MARCHF1: variants seen among roughly 807,000 people sequenced by gnomAD.
MARCHF1 encodes E3 ubiquitin-protein ligase MARCHF1.
Under a neutral mutation model 54.2 loss-of-function variants are expected in MARCHF1, and 40 were observed. The observed-to-expected ratio is 0.74, with a 90% CI of 0.57 to 0.96. The LOEUF (loss-of-function observed/expected upper bound fraction) is 0.96, where lower values mean the gene tolerates loss of function less well. MARCHF1 is among the 40% of genes least tolerant of loss of function. The pLI, the probability that MARCHF1 is intolerant of heterozygous loss-of-function variation, is 0.00. For missense variants in MARCHF1, 586 were observed against 656.5 expected, an observed-to-expected ratio of 0.89 and a Z score of 1.17; for synonymous variants, 236 against 236.3, an observed-to-expected ratio of 1.00 and a Z score of 0.01.
chr4:164,176,966 C>CTA (rs1730689125), intron 1 of MARCHF1, among the ~76,000 whole-genome samples: 1 of 46,732 alleles, frequency 2.1e-5, no homozygotes, highest in East Asian at 5.2e-4. Context: ...CTCTCTCTCT[C>CTA]TCTCTCTCTC....
At position 164,114,029 on chromosome 4, in the gene MARCHF1, G is replaced by T. The variant is rs376755206; in HGVS notation, c.-322-2367C>A. On this transcript the variant is annotated intron_variant, in intron 1 of 9. Coordinates refer to ENST00000514618, the MANE Select transcript of MARCHF1 (RefSeq NM_001394959.1). ...AGGGTCAAAAAACATCATTCCACTG[G>T]GACTTATAAAGGAGGGACAAGTTGG... 2.6e-5 allele frequency among the ~76,000 whole-genome samples: 4 copies of T among 151,972 alleles called. No individual in the cohort carries two copies. The East Asian group carries it at 7.7e-4, about 29-fold the overall frequency.
intron 5 of MARCHF1, among the ~76,000 whole-genome samples, chr4:163,647,400 T>C (rs1358375747): frequency 3.3e-5 from 5 of 152,044 alleles, no homozygotes; most frequent in African/African-American, 4.8e-5. Context: ...AACTACACTT[T>C]AGGTGAAATG....
At chr4:163,711,202 C>T (rs1184126980) in intron 4 of MARCHF1, among the ~76,000 whole-genome samples, 2 of 152,106 alleles carry the variant, frequency 1.3e-5, no homozygotes, top group African/African-American at 2.4e-5. Flanking sequence ...TGGTTTCATT[C>T]TGTAAATTTA....
chr4:163,831,244 GC>G (rs1156255729), intron 4 of MARCHF1, among the ~76,000 whole-genome samples: 1 of 152,134 alleles, frequency 6.6e-6, no homozygotes, highest in Non-Finnish European at 1.5e-5. Context: ...CAAGGAAATT[GC>G]CCAGGTGGAA....
intron 1 of MARCHF1, among the ~76,000 whole-genome samples, chr4:164,113,925 T>C (rs1755887356): frequency 6.6e-6 from 1 of 151,922 alleles, no homozygotes; most frequent in Admixed American, 6.6e-5. Context: ...AAACGATAAC[T>C]GTTTAACCCC....
intron 2 of MARCHF1, among the ~76,000 whole-genome samples, chr4:164,025,852 T>C (rs1257115452): frequency 6.6e-6 from 1 of 151,580 alleles, no homozygotes; most frequent in Non-Finnish European, 1.5e-5. Context: ...AAGAAAAAAA[T>C]ATTTAAATAA....
chr4:163,832,160 C>T (rs185431713), intron 4 of MARCHF1, among the ~76,000 whole-genome samples: 1 of 152,246 alleles, frequency 6.6e-6, no homozygotes, highest in African/African-American at 2.4e-5. Flanking sequence ...ATTGGAGGTA[C>T]ATGACAAAAG....
rs1329653799 is a variant in MARCHF1 at position 163,636,878 on chromosome 4, G to A, written c.163-23485C>T. 1.5e-4 allele frequency among the ~76,000 whole-genome samples: 23 copies of A among 152,240 alleles called. No homozygotes were observed. The South Asian group carries it at 4.8e-3, about 32-fold the overall frequency. Reference sequence around the variant, plus strand: ...AGGCTACAGTAACCAAAACAGCATGGTACTGGTACCAAAACAGAGATACAG... The same window carrying A: ...AGGCTACAGTAACCAAAACAGCATGATACTGGTACCAAAACAGAGATACAG... On this transcript the variant is annotated intron_variant, in intron 5 of 9. Coordinates refer to ENST00000514618, the MANE Select transcript of MARCHF1 (RefSeq NM_001394959.1).
chr4:163,748,229 T>C (rs1413500195), intron 4 of MARCHF1, among the ~76,000 whole-genome samples: 1 of 152,140 alleles, frequency 6.6e-6, no homozygotes, highest in Non-Finnish European at 1.5e-5. Context: ...TTTCAGAAGA[T>C]TTGCGTCCTT....
At chr4:163,918,728 C>T (rs149510033) in intron 3 of MARCHF1, among the ~76,000 whole-genome samples, 2,601 of 151,294 alleles carry the variant, frequency 0.017, 68 homozygotes, top group African/African-American at 0.059. Flanking sequence ...TGATTTGTTG[C>T]GTGTTTATTT....
At chr4:164,111,939 T>C (rs1299396906) in intron 1 of MARCHF1, among the ~76,000 whole-genome samples, 1 of 151,810 alleles carries the variant, frequency 6.6e-6, no homozygotes, top group East Asian at 1.9e-4. Flanking sequence ...TTCAAAATAA[T>C]CTCTTCTGGC....
Position 164,070,304 on chromosome 4 carries a change from C to T in MARCHF1, c.-248+41284G>A, listed in dbSNP as rs553331753. Among the ~76,000 whole-genome samples the T allele has an allele frequency of 2.6e-5, 4 of 152,270 alleles. No homozygotes were observed. The South Asian group carries it at 8.3e-4, about 32-fold the overall frequency. On this transcript the variant is annotated intron_variant, in intron 2 of 9. Coordinates refer to ENST00000514618, the MANE Select transcript of MARCHF1 (RefSeq NM_001394959.1). ...AAATGTGACAAATAAGTGATACATA[C>T]AGGCCTTAAATAAAATCACTATTAA...
chr4:164,078,786 T>A (rs1196906859), intron 2 of MARCHF1, among the ~76,000 whole-genome samples: 4 of 152,140 alleles, frequency 2.6e-5, no homozygotes, highest in Non-Finnish European at 2.9e-5. Context: ...AAACCTGTAT[T>A]GGTTTTTAGA....
intron 1 of MARCHF1, among the ~76,000 whole-genome samples, chr4:164,363,881 G>A (rs1210564978): frequency 1.1e-4 from 16 of 151,892 alleles, no homozygotes; most frequent in Admixed American, 1.1e-3. Flanking sequence ...TATCAGCAAT[G>A]TTCAATTCAG....
At chr4:164,302,618 C>G (rs1734591199) in intron 1 of MARCHF1, among the ~76,000 whole-genome samples, 1 of 151,956 alleles carries the variant, frequency 6.6e-6, no homozygotes, top group African/African-American at 2.4e-5. Flanking sequence ...TGGCTAACAC[C>G]TGTAATCCCA....
At chr4:163,677,822 C>T (rs926223119) in intron 5 of MARCHF1, among the ~76,000 whole-genome samples, 1 of 152,182 alleles carries the variant, frequency 6.6e-6, no homozygotes, top group African/African-American at 2.4e-5. Context: ...AATTAGGCAG[C>T]ATGGCAGAGG....
At chr4:163,953,904 C>T (rs1025123881) in intron 3 of MARCHF1, among the ~76,000 whole-genome samples, 1 of 152,040 alleles carries the variant, frequency 6.6e-6, no homozygotes, top group Non-Finnish European at 1.5e-5. Flanking sequence ...GACACAGAAC[C>T]TAAAATATTT....
chr4:163,849,038 A>G (rs533105194), intron 4 of MARCHF1, among the ~76,000 whole-genome samples: 1 of 152,318 alleles, frequency 6.6e-6, no homozygotes, highest in East Asian at 1.9e-4. Flanking sequence ...CCACAGTGCA[A>G]TGAATTATTA....
At chr4:164,321,075 T>G (rs955068657) in intron 1 of MARCHF1, among the ~76,000 whole-genome samples, 1 of 152,152 alleles carries the variant, frequency 6.6e-6, no homozygotes, top group African/African-American at 2.4e-5. Context: ...GACAGGCTAC[T>G]CCAACAGCGA....
Sources: allele counts gnomAD v4.1 joint callset (sites outside exome capture counted in the v4.1 genomes callset), GRCh38; gene constraint gnomAD v4.1.1; transcripts MANE v1.5; gene names NCBI Gene and HGNC (gene_info 2026-07-23, HGNC 2026-07-21).